The following ADAM12 variants were observed in gnomAD, a reference collection of about 807,000 sequenced individuals.
ADAM12 encodes the protein disintegrin and metalloproteinase domain-containing protein 12.
A neutral mutation model predicts 106.4 loss-of-function variants in ADAM12; 70 were observed. The ratio of observed to expected loss-of-function variants is 0.66; its 90% CI spans 0.54 to 0.80. The LOEUF is 0.80. ADAM12 is among the 30% of genes least tolerant of loss of function. The pLI, the probability that ADAM12 is intolerant of heterozygous loss-of-function variation, is 0.00. For synonymous variants in ADAM12, 420 were observed against 433.5 expected (o/e 0.97, Z 0.39); for missense variants, 1,010 against 1,171.9 (o/e 0.86, Z 2.02).
intron 3 of ADAM12, among the ~76,000 whole-genome samples, chr10:126,265,004 A>G (rs940896790): frequency 3.9e-5 from 6 of 152,234 alleles, no homozygotes; most frequent in Non-Finnish European, 8.8e-5. Flanking sequence ...TAATATCTAT[A>G]TGGGTAATTT....
chr10:126,300,634 C>A (rs1960579170), intron 2 of ADAM12, among the ~76,000 whole-genome samples: 1 of 152,102 alleles, frequency 6.6e-6, no homozygotes, highest in Non-Finnish European at 1.5e-5. Flanking sequence ...AACATAACAG[C>A]CCAATTTTAT....
At chr10:126,101,739 C>T (rs745605373) in intron 8 of ADAM12, among the ~76,000 whole-genome samples, 1 of 152,192 alleles carries the variant, frequency 6.6e-6, no homozygotes, top group Non-Finnish European at 1.5e-5. Flanking sequence ...CTCTGGCTAA[C>T]ACTATCATAT....
intron 3 of ADAM12, among the ~76,000 whole-genome samples, chr10:126,237,770 T>C (rs1415792848): frequency 6.6e-6 from 1 of 152,180 alleles, no homozygotes; most frequent in East Asian, 1.9e-4. Flanking sequence ...GGTTAAGCAC[T>C]GCACAGCTTC....
chr10:126,193,894 G>GAAATAAAATA (rs1357187347), intron 3 of ADAM12, among the ~76,000 whole-genome samples: 149 of 124,506 alleles, frequency 1.2e-3, no homozygotes, highest in African/African-American at 6.4e-3. Flanking sequence ...TCTGTCTCAT[G>GAAATAAAATA]AAATAAAATG....
At chr10:126,268,194 A>G (rs7905960) in intron 3 of ADAM12, among the ~76,000 whole-genome samples, 35,805 of 152,076 alleles carry the variant, frequency 0.24, 4,336 homozygotes, top group South Asian at 0.34. Context: ...AATTTTGCCT[A>G]TTCAAAGTAC....
At chr10:126,084,669 T>C (rs1278351) in intron 11 of ADAM12, among the ~76,000 whole-genome samples, 91,211 of 152,064 alleles carry the variant, frequency 0.6, 27,496 homozygotes, top group East Asian at 0.69. Context: ...GAAGTCTACA[T>C]GTGCCCAGTT....
At position 126,016,227 on chromosome 10, in the gene ADAM12, T is replaced by G. The variant is rs1953659091; in HGVS notation, c.*1052A>C. The stretch of plus-strand genomic sequence containing the variant: ...GTAGTTTTTGCAAGCATAAAGAGTC[T>G]GCCTAATTGTTAATAAGTTGAACCT... On this transcript the variant is annotated 3_prime_UTR_variant, in exon 23 of 23. Coordinates refer to ENST00000448723, the MANE Select transcript of ADAM12 (RefSeq NM_001288973.2). 6.6e-6 allele frequency: 1 copy of G among 152,152 alleles called. No individual in the cohort carries two copies. The highest frequency in any genetic ancestry group is 2.1e-4 in the South Asian group (1 of 4,826). The allele number at this position is 152,152 out of a possible 1,614,324, so 9.4% of individuals were successfully genotyped here. A position where few individuals can be genotyped will look rare whatever the true frequency, so the allele number is the denominator to read the frequency against.
chr10:126,084,759 C>T (rs1449090191), intron 11 of ADAM12, among the ~76,000 whole-genome samples: 1 of 152,160 alleles, frequency 6.6e-6, no homozygotes, highest in Non-Finnish European at 1.5e-5. Context: ...CTGTCCCTCT[C>T]AACCCTCCCC....
chr10:126,309,709 G>T (rs1401689540), intron 2 of ADAM12, among the ~76,000 whole-genome samples: 2 of 152,188 alleles, frequency 1.3e-5, no homozygotes, highest in African/African-American at 4.8e-5. Context: ...AGCTTTGGAG[G>T]AGCAGAGAAA....
At chr10:126,032,104 A>T (rs1953982209) in intron 21 of ADAM12, among the ~76,000 whole-genome samples, 1 of 152,226 alleles carries the variant, frequency 6.6e-6, no homozygotes, top group African/African-American at 2.4e-5. Flanking sequence ...GACCTAGCTT[A>T]CAGTTTAAAT....
intron 3 of ADAM12, among the ~76,000 whole-genome samples, chr10:126,243,035 A>G (rs1958557810): frequency 6.6e-6 from 1 of 152,204 alleles, no homozygotes; most frequent in Non-Finnish European, 1.5e-5. Flanking sequence ...ACTAGCAATG[A>G]CTTCATCCTT....
intron 2 of ADAM12, among the ~76,000 whole-genome samples, chr10:126,328,894 G>C (rs1417409176): frequency 6.6e-6 from 1 of 152,172 alleles, no homozygotes; most frequent in East Asian, 1.9e-4. Context: ...AGCTTGGCCA[G>C]CAGTAGATGT....
chr10:126,088,577 G>T (rs747283050), intron 11 of ADAM12, among the ~76,000 whole-genome samples: 1 of 151,930 alleles, frequency 6.6e-6, no homozygotes, highest in African/African-American at 2.4e-5. Context: ...GGGCATGGTG[G>T]TGTGTGCCTG....
At chr10:126,297,379 C>CA (rs1161442604) in intron 2 of ADAM12, among the ~76,000 whole-genome samples, 1 of 152,100 alleles carries the variant, frequency 6.6e-6, no homozygotes, top group African/African-American at 2.4e-5. Context: ...CCCATCTCTA[C>CA]AAAAAATTTT....
intron 3 of ADAM12, among the ~76,000 whole-genome samples, chr10:126,181,627 G>A (rs539447268): frequency 2.0e-5 from 3 of 152,272 alleles, no homozygotes; most frequent in South Asian, 4.1e-4. Flanking sequence ...CTTGGGCAGT[G>A]AAAGACAAAT....
chr10:126,124,744 T>C (rs1370946575), intron 5 of ADAM12, among the ~76,000 whole-genome samples: 1 of 151,546 alleles, frequency 6.6e-6, no homozygotes, highest in African/African-American at 2.4e-5. Context: ...AATACAAAAA[T>C]TAGCATGTGT....
At chr10:126,342,713 C>T (rs976293791) in intron 1 of ADAM12, among the ~76,000 whole-genome samples, 1 of 152,178 alleles carries the variant, frequency 6.6e-6, no homozygotes, top group Non-Finnish European at 1.5e-5. Context: ...AGAGCAAGAA[C>T]ATTTGTAGGC....
chr10:126,089,811 T>A (rs1451483381), intron 11 of ADAM12, among the ~76,000 whole-genome samples: 1 of 152,092 alleles, frequency 6.6e-6, no homozygotes, highest in Non-Finnish European at 1.5e-5. Context: ...TTCCATGCTT[T>A]GCAGGCTCTC....
intron 2 of ADAM12, among the ~76,000 whole-genome samples, chr10:126,321,601 C>G (rs1347825691): frequency 6.6e-6 from 1 of 152,074 alleles, no homozygotes; most frequent in South Asian, 2.1e-4. Flanking sequence ...ACAGGAAAGA[C>G]CCTGGCAGGG....
Sources: gnomAD v4.1 joint callset for allele counts (sites outside exome capture counted in the v4.1 genomes callset) on GRCh38, gnomAD v4.1.1 for gene constraint, MANE v1.5 for transcripts, NCBI Gene and HGNC (gene_info 2026-07-23, HGNC 2026-07-21) for gene names.